The following ENOX1 variants were observed in gnomAD, a reference collection of about 807,000 sequenced individuals.
ENOX1 encodes candidate growth-related and time keeping constitutive hydroquinone (NADH) oxidase.
In ENOX1, 42 loss-of-function variants were observed where a neutral mutation model predicts 82.5. The ratio of observed to expected loss-of-function variants is 0.51; its 90% CI spans 0.40 to 0.66. The LOEUF (loss-of-function observed/expected upper bound fraction) is 0.66, where lower values mean the gene tolerates loss of function less well. ENOX1 is among the 30% of genes least tolerant of loss of function. The pLI is 0.00. For synonymous variants in ENOX1, 271 were observed against 282.2 expected (o/e 0.96, Z 0.40); for missense variants, 608 against 811.6 (o/e 0.75, Z 3.05).
intron 2 of ENOX1, among the ~76,000 whole-genome samples, chr13:43,656,068 TTTC>T (rs1240652203): frequency 1.3e-5 from 2 of 152,244 alleles, no homozygotes; most frequent in South Asian, 2.1e-4. Context: ...AAAATTTAAA[TTTC>T]TTCTTGGCAA....
chr13:43,542,954 CT>C (rs1408952443), intron 2 of ENOX1, among the ~76,000 whole-genome samples: 2 of 152,142 alleles, frequency 1.3e-5, no homozygotes, highest in Non-Finnish European at 2.9e-5. Flanking sequence ...AGGTACTTGT[CT>C]CCTTGATGAG....
Position 43,359,843 on chromosome 13 carries a change from CA to C in ENOX1, c.589+7del, listed in dbSNP as rs996660362. 6.2e-7 allele frequency: 1 copy of C among 1,613,244 alleles called. No individual in the cohort carries two copies. Among genetic ancestry groups the C allele is most frequent in the African/African-American group, 1.3e-5 (1 of 74,910 alleles). On this transcript the variant is annotated splice_region_variant and intron_variant, in intron 7 of 16. Transcript: ENST00000690772. ...TGCCTAGAAAACTCCTTATGTAATG[CA>C]AAGTACCAGAAAGGTAAATGGCTTT...
intron 5 of ENOX1, among the ~76,000 whole-genome samples, chr13:43,382,186 A>G (rs2052093761): frequency 6.6e-6 from 1 of 152,116 alleles, no homozygotes; most frequent in Non-Finnish European, 1.5e-5. Flanking sequence ...CCAGAGATAC[A>G]AGGTTGGTTT....
intron 1 of ENOX1, among the ~76,000 whole-genome samples, chr13:43,670,498 A>T (rs1168477994): frequency 6.6e-6 from 1 of 152,188 alleles, no homozygotes; most frequent in Non-Finnish European, 1.5e-5. Flanking sequence ...GAATGAGTTA[A>T]CTAGTCAAAC....
rs116255171 is a variant in ENOX1, at chr13:43,335,056, C to T, written c.1037-8531G>A. ...CCAAGGCAAAGGGGGCTAGGCTAGA[C>T]CATCCTGAATCTCCTTTCTGGCTCT... On this transcript the variant is annotated intron_variant, in intron 9 of 16. Coordinates refer to ENST00000690772, the MANE Select transcript of ENOX1 (RefSeq NM_001347969.2). Among the ~76,000 whole-genome samples the T allele has an allele frequency of 6.5e-3, 992 of 152,276 alleles. 7 individuals carry two copies. The highest frequency in any genetic ancestry group is 0.023 in the African/African-American group (940 of 41,544).
intron 2 of ENOX1, among the ~76,000 whole-genome samples, chr13:43,493,996 A>G (rs1279561795): frequency 2.0e-5 from 3 of 152,172 alleles, no homozygotes; most frequent in Non-Finnish European, 4.4e-5. Flanking sequence ...GGGAAAATAA[A>G]TGGAGGAACT....
chr13:43,726,231 T>C (rs1421728332), intron 1 of ENOX1, among the ~76,000 whole-genome samples: 1 of 151,364 alleles, frequency 6.6e-6, no homozygotes, highest in Admixed American at 6.6e-5. Context: ...TTTTTTTTTT[T>C]TGAGATGGAG....
intron 2 of ENOX1, among the ~76,000 whole-genome samples, chr13:43,591,866 C>T (rs995865224): frequency 6.6e-6 from 1 of 152,102 alleles, no homozygotes; most frequent in Non-Finnish European, 1.5e-5. Context: ...TTGGAGGTAA[C>T]TTTTCCCATG....
intron 5 of ENOX1, among the ~76,000 whole-genome samples, chr13:43,392,627 G>A (rs1364217155): frequency 6.6e-6 from 1 of 152,186 alleles, no homozygotes; most frequent in Admixed American, 6.5e-5. Flanking sequence ...CCCAGGAGGT[G>A]GAGGTTGCAG....
intron 5 of ENOX1, among the ~76,000 whole-genome samples, chr13:43,400,979 C>A (rs909032233): frequency 6.6e-6 from 1 of 152,150 alleles, no homozygotes; most frequent in African/African-American, 2.4e-5. Context: ...AGCTGAGTAA[C>A]CTTGGGTGAG....
intron 3 of ENOX1, among the ~76,000 whole-genome samples, chr13:43,424,707 T>C (rs747752811): frequency 3.9e-4 from 59 of 152,178 alleles, no homozygotes; most frequent in Non-Finnish European, 6.9e-4. Flanking sequence ...TTTATCTTTC[T>C]CTAAATGACC....
At chr13:43,512,150 A>G (rs2077393860) in intron 2 of ENOX1, among the ~76,000 whole-genome samples, 1 of 151,970 alleles carries the variant, frequency 6.6e-6, no homozygotes, top group Non-Finnish European at 1.5e-5. Context: ...CAGATCTACA[A>G]AGGCTGTTGA....
At chr13:43,401,772 T>C (rs2053511017) in intron 5 of ENOX1, among the ~76,000 whole-genome samples, 1 of 152,182 alleles carries the variant, frequency 6.6e-6, no homozygotes, top group Non-Finnish European at 1.5e-5. Flanking sequence ...CAGAAGTGTT[T>C]TGCCTCAGAA....
intron 1 of ENOX1, among the ~76,000 whole-genome samples, chr13:43,678,744 ACT>A (rs148674908): frequency 0.025 from 3,762 of 152,158 alleles, 55 homozygotes; most frequent in Non-Finnish European, 0.037. Context: ...GAAGTCACAC[ACT>A]CGATACACTG....
intron 5 of ENOX1, among the ~76,000 whole-genome samples, chr13:43,364,083 A>G (rs2050693385): frequency 6.6e-6 from 1 of 151,668 alleles, no homozygotes; most frequent in Admixed American, 6.6e-5. Context: ...TAAGAAAAAA[A>G]AAGAACCCAT....
intron 2 of ENOX1, among the ~76,000 whole-genome samples, chr13:43,565,902 CA>C: frequency 6.6e-6 from 1 of 152,134 alleles, no homozygotes; most frequent in Non-Finnish European, 1.5e-5. Flanking sequence ...AAAAACAAAA[CA>C]GATCCACTGA....
At chr13:43,573,088 A>AT (rs1341047436) in intron 2 of ENOX1, among the ~76,000 whole-genome samples, 1 of 152,204 alleles carries the variant, frequency 6.6e-6, no homozygotes, top group East Asian at 1.9e-4. Context: ...CTTGTGTGAC[A>AT]TTAACTGCTA....
At chr13:43,450,490 G>C (rs753095045) in intron 3 of ENOX1, among the ~76,000 whole-genome samples, 12 of 152,164 alleles carry the variant, frequency 7.9e-5, no homozygotes, top group Non-Finnish European at 1.2e-4. Context: ...GGCTACCTGG[G>C]GAGGCACCAG....
chr13:43,693,872 C>A (rs964597534), intron 1 of ENOX1, among the ~76,000 whole-genome samples: 1 of 152,014 alleles, frequency 6.6e-6, no homozygotes, highest in Non-Finnish European at 1.5e-5. Flanking sequence ...CATTTTATTA[C>A]CCAATATTAT....
Sources: gnomAD v4.1 joint callset for allele counts (sites outside exome capture counted in the v4.1 genomes callset) on GRCh38, gnomAD v4.1.1 for gene constraint, MANE v1.5 for transcripts, NCBI Gene and HGNC (gene_info 2026-07-23, HGNC 2026-07-21) for gene names.